ITCH: variants seen among roughly 807,000 people sequenced by gnomAD.
The protein encoded by ITCH is E3 ubiquitin-protein ligase Itchy homolog.
In ITCH, 28 loss-of-function variants were observed where a neutral mutation model predicts 126.8. The observed-to-expected ratio is 0.22, with a 90% CI of 0.16 to 0.30. The LOEUF (loss-of-function observed/expected upper bound fraction) is 0.30, where lower values mean the gene tolerates loss of function less well. ITCH is among the 10% of genes least tolerant of loss of function. ITCH has a pLI of 1.00. For missense variants in ITCH, 631 were observed against 1,032.4 expected (o/e 0.61, Z 5.33); for synonymous variants, 342 against 340.0 (o/e 1.01, Z -0.06).
Position 34,509,857 on chromosome 20 carries a change from T to C in ITCH, c.*2063T>C, listed in dbSNP as rs559129191. The C allele has an allele frequency of 1.3e-5, 2 of 152,760 alleles. No individual in the cohort carries two copies. The highest frequency in any genetic ancestry group is 4.8e-5 in the African/African-American group (2 of 41,586). 9.5% of individuals were successfully genotyped at this position (152,760 alleles called of 1,614,324 possible). Reference sequence around the variant, plus strand: ...ATTCTCATACTGAAATGTAGTTACCTACAATATTTACTAGAGATTTATGAA... The same window carrying C: ...ATTCTCATACTGAAATGTAGTTACCCACAATATTTACTAGAGATTTATGAA... On this transcript the variant is annotated 3_prime_UTR_variant, in exon 25 of 25. Coordinates refer to ENST00000374864, the MANE Select transcript of ITCH (RefSeq NM_031483.7).
chr20:34,504,454 T>C (rs1359441864), intron 24 of ITCH, 51 bp downstream of exon 24: 1 of 1,218,312 alleles, frequency 8.2e-7, no homozygotes, highest in South Asian at 1.2e-5. Flanking sequence ...CAGTTATCTG[T>C]AGCTATTTAA....
At chr20:34,468,706 G>A (rs1031065977) in intron 14 of ITCH, among the ~76,000 whole-genome samples, 1 of 151,530 alleles carries the variant, frequency 6.6e-6, no homozygotes, top group Admixed American at 6.6e-5. Flanking sequence ...CAGGAGAATC[G>A]CTTGAACCTC....
chr20:34,482,307 A>G (rs1173022540), intron 20 of ITCH, among the ~76,000 whole-genome samples: 1 of 152,220 alleles, frequency 6.6e-6, no homozygotes, highest in African/African-American at 2.4e-5. Flanking sequence ...GCATTAACTC[A>G]AAAGTCCACA....
At chr20:34,467,115 A>G (rs1417323633) in intron 14 of ITCH, among the ~76,000 whole-genome samples, 1 of 152,272 alleles carries the variant, frequency 6.6e-6, no homozygotes, top group East Asian at 1.9e-4. Flanking sequence ...ATTTATGCCA[A>G]TAACTTTAAC....
chr20:34,371,363 G>GC (rs901647220), intron 2 of ITCH, among the ~76,000 whole-genome samples: 1 of 137,378 alleles, frequency 7.3e-6, no homozygotes, highest in African/African-American at 2.8e-5. Context: ...TGCAGCTTCT[G>GC]CCCCCTGGGT....
At chr20:34,504,034 C>T (rs1290731441) in intron 23 of ITCH, among the ~76,000 whole-genome samples, 2 of 151,864 alleles carry the variant, frequency 1.3e-5, no homozygotes, top group Non-Finnish European at 2.9e-5. Flanking sequence ...GCATACGCCA[C>T]CACACTTGGC....
intron 11 of ITCH, among the ~76,000 whole-genome samples, chr20:34,449,188 AT>A (rs771775779): frequency 2.6e-5 from 4 of 152,132 alleles, no homozygotes; most frequent in Non-Finnish European, 5.9e-5. Flanking sequence ...TATGTGTAGT[AT>A]TTTAATTTTA....
At chr20:34,412,928 A>G (rs2146169999) in intron 5 of ITCH, among the ~76,000 whole-genome samples, 1 of 152,330 alleles carries the variant, frequency 6.6e-6, no homozygotes, top group Admixed American at 6.5e-5. Context: ...TAGAGCAGAG[A>G]TGAAAGAAAA....
At chr20:34,472,393 A>AAAAAC (rs1197635585) in intron 16 of ITCH, among the ~76,000 whole-genome samples, 21 of 151,598 alleles carry the variant, frequency 1.4e-4, no homozygotes, top group Admixed American at 3.3e-4. Context: ...AAAAAAAAAA[A>AAAAAC]AAAACTTGAG....
Position 34,504,292 on chromosome 20 carries a change from C to G in ITCH, c.2417-39C>G, listed in dbSNP as rs1403809092. The G allele has an allele frequency of 2.7e-6, 4 of 1,463,564 alleles. No individual in the cohort carries two copies. In the Admixed American group the frequency reaches 5.0e-5, roughly 18 times the overall value. 90.7% of individuals were successfully genotyped at this position (1,463,564 alleles called of 1,614,324 possible). ...ATTGGGGAACACAGTTTGAGATCCA[C>G]TATACTAACAAACTGTTTATGATTT... On this transcript the variant is annotated intron_variant, in intron 23 of 24. Coordinates refer to ENST00000374864, the MANE Select transcript of ITCH (RefSeq NM_031483.7).
At position 34,495,502 on chromosome 20, in the gene ITCH, C is replaced by A. The variant is rs992292760; in HGVS notation, c.2416+2905C>A. On this transcript the variant is annotated intron_variant, in intron 23 of 24. Transcript: ENST00000374864. Reference sequence around the variant, plus strand: ...GTTGCACTTTGTACTTCTATGAGATCGGCTTTCTTAGCTTTCACGAGTGAC... The same window carrying A: ...GTTGCACTTTGTACTTCTATGAGATAGGCTTTCTTAGCTTTCACGAGTGAC... 7.9e-5 allele frequency among the ~76,000 whole-genome samples: 12 copies of A among 151,790 alleles called. No individual in the cohort carries two copies. In the East Asian group the frequency reaches 2.1e-3, roughly 27 times the overall value.
chr20:34,452,562 A>G (rs978321606), intron 12 of ITCH, among the ~76,000 whole-genome samples: 5 of 152,166 alleles, frequency 3.3e-5, no homozygotes, highest in Admixed American at 2.0e-4. Flanking sequence ...AACCCACCCA[A>G]CATACCTTCA....
chr20:34,488,185 G>T (rs1600478658), intron 20 of ITCH, among the ~76,000 whole-genome samples: 19 of 138,786 alleles, frequency 1.4e-4, no homozygotes, highest in Middle Eastern at 4.0e-3. Context: ...TTTCCCTTTG[G>T]CTTTAAAAAA....
chr20:34,386,310 C>T (rs1006791605), intron 2 of ITCH, among the ~76,000 whole-genome samples: 1 of 152,074 alleles, frequency 6.6e-6, no homozygotes, highest in Admixed American at 6.6e-5. Context: ...AAAAATGTTC[C>T]TGTGTTCCTT....
intron 11 of ITCH, among the ~76,000 whole-genome samples, chr20:34,448,371 C>T (rs1297965622): frequency 9.3e-5 from 14 of 150,262 alleles, no homozygotes; most frequent in African/African-American, 3.2e-4. Flanking sequence ...CCAGCCTGGG[C>T]GACAGAGTGA....
chr20:34,457,564 C>A, intron 13 of ITCH, 90 bp downstream of exon 13: 1 of 908,418 alleles, frequency 1.1e-6, no homozygotes. Context: ...TATTCTTTTG[C>A]CAAAGACCTA....
At chr20:34,452,978 A>G (rs1985441282) in intron 12 of ITCH, among the ~76,000 whole-genome samples, 1 of 152,164 alleles carries the variant, frequency 6.6e-6, no homozygotes, top group South Asian at 2.1e-4. Context: ...TCATTTTCCT[A>G]GTTACTGTGA....
chr20:34,375,120 T>C (rs2378135), intron 2 of ITCH, among the ~76,000 whole-genome samples: 83,014 of 145,478 alleles, frequency 0.57, 23,676 homozygotes, highest in African/African-American at 0.67. Context: ...TGGCTTACCA[T>C]AACCTCCGCT....
intron 16 of ITCH, among the ~76,000 whole-genome samples, chr20:34,475,757 G>C (rs898797900): frequency 7.9e-5 from 12 of 152,038 alleles, no homozygotes; most frequent in African/African-American, 2.7e-4. Flanking sequence ...CAGAGGCAGA[G>C]CTGCATACTT....
Sources: allele counts gnomAD v4.1 joint callset (sites outside exome capture counted in the v4.1 genomes callset), GRCh38; gene constraint gnomAD v4.1.1; transcripts MANE v1.5; gene names NCBI Gene and HGNC (gene_info 2026-07-23, HGNC 2026-07-21).